Variants in CDH4 observed in about 807,000 individuals in gnomAD.
CDH4 encodes cadherin 4.
CDH4 carries 33 observed loss-of-function variants against 86.0 expected under a neutral mutation model. That is an observed-to-expected ratio of 0.38 (90% CI 0.29 to 0.51). The LOEUF is 0.51. CDH4 is among the 20% of genes least tolerant of loss of function. The probability of loss-of-function intolerance (pLI) is 0.86; values close to 1 mark genes in which losing one functional copy is unlikely to be tolerated. For missense variants in CDH4, 1,114 were observed against 1,307.4 expected, an observed-to-expected ratio of 0.85 and a Z score of 2.28; for synonymous variants, 555 against 549.4, an observed-to-expected ratio of 1.01 and a Z score of -0.14.
chr20:61,295,594 G>A (rs753986496), intron 2 of CDH4, among the ~76,000 whole-genome samples: 48 of 152,018 alleles, frequency 3.2e-4, no homozygotes, highest in African/African-American at 4.6e-4. Context: ...GCAGACTTGC[G>A]AGTGGCCCTG....
intron 2 of CDH4, among the ~76,000 whole-genome samples, chr20:61,581,977 G>A (rs2086432737): frequency 6.6e-6 from 1 of 152,204 alleles, no homozygotes; most frequent in Non-Finnish European, 1.5e-5. Context: ...CGTTCGGCAT[G>A]GCTGAGCTTT....
At chr20:61,719,405 T>C (rs1450356593) in intron 2 of CDH4, 1 of 275,784 alleles carries the variant, frequency 3.6e-6, no homozygotes, top group Non-Finnish European at 7.6e-6. Context: ...GCATGTAATG[T>C]GCAAAAACAT....
rs149908568 is a variant in CDH4 at position 61,765,573 on chromosome 20, A to AGAGGAG, written c.397-7415_397-7410dup. ...CCTTAGGGCGTAAGGAGAGCAGGGAAGAGGAGGAGGAGGAGGAGGACGGTG... is the reference window on the plus strand; with the variant it reads ...CCTTAGGGCGTAAGGAGAGCAGGGAAGAGGAGGAGGAGGAGGAGGAGGAGGACGGTG... On this transcript the variant is annotated intron_variant, in intron 3 of 15. Transcript: ENST00000614565. Among the ~76,000 whole-genome samples the AGAGGAG allele has an allele frequency of 1.1e-4, 17 of 152,132 alleles. No homozygotes were observed. The East Asian group carries it at 2.3e-3, about 21-fold the overall frequency.
chr20:61,619,435 T>C (rs1366919089), intron 2 of CDH4, among the ~76,000 whole-genome samples: 5 of 152,212 alleles, frequency 3.3e-5, no homozygotes, highest in Admixed American at 6.5e-5. Context: ...CAAATAATTT[T>C]TTTTCATTCC....
intron 5 of CDH4, among the ~76,000 whole-genome samples, chr20:61,851,787 C>T (rs1038897486): frequency 4.6e-5 from 7 of 152,176 alleles, no homozygotes; most frequent in African/African-American, 1.7e-4. Flanking sequence ...CTCAAGCAGC[C>T]CCTCCTCCGA....
At position 61,352,520 on chromosome 20, in the gene CDH4, T is replaced by G. The variant is rs536510879; in HGVS notation, c.169+97583T>G. Reference sequence around the variant, plus strand: ...GCCTGCCAGCGGGGTGTGAGCCGCCTGTGGGGCAGCCTCTCCGGTGCGCGG... The same window carrying G: ...GCCTGCCAGCGGGGTGTGAGCCGCCGGTGGGGCAGCCTCTCCGGTGCGCGG... On this transcript the variant is annotated intron_variant, in intron 2 of 15. Transcript: ENST00000614565. Among the ~76,000 whole-genome samples, 368 of 152,330 alleles carry G rather than the reference T, an allele frequency of 2.4e-3. 2 individuals carry two copies. Among genetic ancestry groups the G allele is most frequent in the African/African-American group, 8.8e-3 (365 of 41,590 alleles).
In CDH4 at chr20:61,879,665, G is replaced by A. The variant is rs1044547806; in HGVS notation, c.1050+5765G>A. Among the ~76,000 whole-genome samples the A allele has an allele frequency of 1.3e-5, 2 of 152,148 alleles. No individual in the cohort carries two copies. The highest frequency in any genetic ancestry group is 2.1e-4 in the South Asian group (1 of 4,826). On this transcript the variant is annotated intron_variant, in intron 7 of 15. Transcript: ENST00000614565. The surrounding 1 kb of genome is among the most constrained non-coding windows in gnomAD (Gnocchi z 4.1). ...CACTTGCTAATCCTATTCATCTGGCGTTGTTTCCTAATTAGAATATTTATG... is the reference window on the plus strand; with the variant it reads ...CACTTGCTAATCCTATTCATCTGGCATTGTTTCCTAATTAGAATATTTATG...
chr20:61,441,721 A>G (rs2085315828), intron 2 of CDH4, among the ~76,000 whole-genome samples: 1 of 152,202 alleles, frequency 6.6e-6, no homozygotes, highest in Non-Finnish European at 1.5e-5. Flanking sequence ...AATAGACACC[A>G]AATCTGCTGA....
chr20:61,606,662 C>G (rs937457750), intron 2 of CDH4, among the ~76,000 whole-genome samples: 2 of 152,260 alleles, frequency 1.3e-5, no homozygotes, highest in African/African-American at 4.8e-5. Context: ...GAAGTGCACC[C>G]CGCCGCTCCT....
chr20:61,934,474 G>A (rs1006918875), intron 15 of CDH4, among the ~76,000 whole-genome samples: 20 of 152,138 alleles, frequency 1.3e-4, no homozygotes, highest in African/African-American at 4.3e-4. Flanking sequence ...ACACAGGGCC[G>A]GGTGCACAGC....
At chr20:61,453,336 G>T (rs149557959) in intron 2 of CDH4, among the ~76,000 whole-genome samples, 1 of 152,192 alleles carries the variant, frequency 6.6e-6, no homozygotes, top group Non-Finnish European at 1.5e-5. Flanking sequence ...GAAGATGCAA[G>T]TTCCTGTGGG....
intron 2 of CDH4, among the ~76,000 whole-genome samples, chr20:61,399,119 CTTTTT>C (rs926368033): frequency 2.6e-5 from 2 of 77,030 alleles, no homozygotes; most frequent in East Asian, 7.2e-4. Flanking sequence ...GAAAAACCCA[CTTTTT>C]TTTTTTTTTT....
chr20:61,390,500 C>A (rs2084977233), intron 2 of CDH4, among the ~76,000 whole-genome samples: 1 of 147,070 alleles, frequency 6.8e-6, no homozygotes, highest in Admixed American at 6.7e-5. Context: ...AGTGCCGTGT[C>A]TGGGAAACCC....
At chr20:61,806,892 C>T (rs780437051) in intron 4 of CDH4, among the ~76,000 whole-genome samples, 7 of 152,176 alleles carry the variant, frequency 4.6e-5, no homozygotes, top group Admixed American at 1.3e-4. Flanking sequence ...GGGGTGGCCA[C>T]AGGGCCTGGA....
intron 2 of CDH4, chr20:61,570,772 G>A: frequency 4.3e-6 from 3 of 702,362 alleles, no homozygotes; most frequent in Non-Finnish European, 7.8e-6. Flanking sequence ...GGCTTGTGAT[G>A]ATGCCACTGT....
intron 2 of CDH4, among the ~76,000 whole-genome samples, chr20:61,415,319 A>G (rs2145495339): frequency 6.6e-6 from 1 of 152,262 alleles, no homozygotes. Flanking sequence ...CTTAGTGGCC[A>G]TGTTGAAAAA....
intron 2 of CDH4, among the ~76,000 whole-genome samples, chr20:61,430,016 C>T (rs2085237281): frequency 6.6e-6 from 1 of 152,332 alleles, no homozygotes; most frequent in African/African-American, 2.4e-5. Flanking sequence ...AAAACAGATT[C>T]CTTGGCCCAG....
intron 2 of CDH4, chr20:61,600,043 C>A: frequency 1.3e-6 from 1 of 790,530 alleles, no homozygotes. Context: ...AATTTAAGAG[C>A]CTCTCTATTT....
intron 4 of CDH4, among the ~76,000 whole-genome samples, chr20:61,794,651 A>G (rs6061357): frequency 0.75 from 114,833 of 152,184 alleles, 43,695 homozygotes; most frequent in African/African-American, 0.87. Flanking sequence ...ACAATAGCAC[A>G]TCCTTGGACT....
Sources: gnomAD v4.1 joint callset for allele counts (sites outside exome capture counted in the v4.1 genomes callset) on GRCh38, gnomAD v4.1.1 for gene constraint, Gnocchi (gnomAD v3.1) non-coding constraint, MANE v1.5 for transcripts, NCBI Gene and HGNC (gene_info 2026-07-23, HGNC 2026-07-21) for gene names.